Variants in PDE4D observed in about 807,000 individuals in gnomAD.
PDE4D encodes the protein 3',5'-cyclic-AMP phosphodiesterase 4D.
In PDE4D, 24 loss-of-function variants were observed where a neutral mutation model predicts 87.4. The ratio of observed to expected loss-of-function variants is 0.27; its 90% CI spans 0.20 to 0.39. PDE4D has a LOEUF of 0.39. Among genes scored for constraint, PDE4D ranks in the 10% least tolerant of loss-of-function variants. The pLI, the probability that PDE4D is intolerant of heterozygous loss-of-function variation, is 1.00. For missense variants in PDE4D, 714 were observed against 1,041.0 expected (o/e 0.69, Z 4.32); for synonymous variants, 384 against 383.2 (o/e 1.00, Z -0.02).
chr5:59,439,232 A>C (rs1275246160), intron 1 of PDE4D, among the ~76,000 whole-genome samples: 1 of 151,934 alleles, frequency 6.6e-6, no homozygotes, highest in Non-Finnish European at 1.5e-5. Flanking sequence ...GGTGGCACAC[A>C]CCTGTAATCC....
chr5:59,464,839 A>G (rs1475703813), intron 1 of PDE4D, among the ~76,000 whole-genome samples: 1 of 152,248 alleles, frequency 6.6e-6, no homozygotes, highest in African/African-American at 2.4e-5. Flanking sequence ...TATTTGCTAT[A>G]AATACACATA....
At chr5:59,091,978 T>C (rs774427859) in intron 5 of PDE4D, among the ~76,000 whole-genome samples, 7 of 152,076 alleles carry the variant, frequency 4.6e-5, no homozygotes, top group Non-Finnish European at 8.8e-5. Flanking sequence ...AAAGTCCAAA[T>C]GGTAAAATGT....
At chr5:59,749,748 C>A (rs1466757002) in intron 1 of PDE4D, among the ~76,000 whole-genome samples, 1 of 152,088 alleles carries the variant, frequency 6.6e-6, no homozygotes, top group Non-Finnish European at 1.5e-5. Flanking sequence ...ACTTTTAATA[C>A]CACCTACATT....
At chr5:60,091,477 A>G (rs1458226837) in intron 2 of PDE4D, among the ~76,000 whole-genome samples, 1 of 152,192 alleles carries the variant, frequency 6.6e-6, no homozygotes, top group East Asian at 1.9e-4. Flanking sequence ...CAAAAAGACA[A>G]AAAATAAACA....
Position 59,228,920 on chromosome 5 carries a change from G to GA in PDE4D, c.456-12953dup, listed in dbSNP as rs546960595. 9.2e-5 allele frequency among the ~76,000 whole-genome samples: 14 copies of GA among 151,928 alleles called. No individual in the cohort carries two copies. In the East Asian group the frequency reaches 2.7e-3, roughly 29 times the overall value. The stretch of plus-strand genomic sequence containing the variant: ...CTTTGCCTGGCATATTCTTTCTAGA[G>GA]ATATCAGCTCAATGTTACCTTCATG... On this transcript the variant is annotated intron_variant, in intron 1 of 14. Coordinates refer to ENST00000340635, the MANE Select transcript of PDE4D (RefSeq NM_001104631.2).
intron 1 of PDE4D, among the ~76,000 whole-genome samples, chr5:59,286,557 T>C (rs1175835985): frequency 6.6e-6 from 1 of 152,224 alleles, no homozygotes; most frequent in Admixed American, 6.5e-5. Context: ...GACATGGTTT[T>C]TTTGTGCACA....
In PDE4D at chr5:58,974,909, C is replaced by A; in HGVS notation, c.2185G>T (p.Gly729Cys). ...APDDPEEGRQ[G>C]QTEKFQFELT... is the part of the protein sequence containing the mutation. ...TCAAACTGGAATTTCTCAGTTTGAC[C>A]CTGCCGGCCCTCCTCTGGGTCATCA... is the stretch of plus-strand genomic sequence containing the variant. Residue 729 changes from glycine (G) to cysteine (C), a missense_variant, in exon 15 of 15, where the codon GGT becomes TGT. Coordinates refer to ENST00000340635, the MANE Select transcript of PDE4D (RefSeq NM_001104631.2). 1 of 1,612,696 alleles carries A rather than the reference C, an allele frequency of 6.2e-7. No individual in the cohort carries two copies. The highest frequency in any genetic ancestry group is 8.5e-7 in the Non-Finnish European group (1 of 1,179,052).
At chr5:59,459,265 G>C (rs946263665) in intron 1 of PDE4D, among the ~76,000 whole-genome samples, 2 of 152,118 alleles carry the variant, frequency 1.3e-5, no homozygotes, top group Non-Finnish European at 2.9e-5. Flanking sequence ...ATTTTTAAAA[G>C]TATTCATTTG....
intron 1 of PDE4D, among the ~76,000 whole-genome samples, chr5:59,251,472 C>T (rs927426847): frequency 8.5e-5 from 13 of 152,062 alleles, no homozygotes; most frequent in African/African-American, 2.2e-4. Context: ...ATCAAAACCA[C>T]AAGATACCAT....
chr5:60,054,848 C>T (rs1448883728), intron 2 of PDE4D, among the ~76,000 whole-genome samples: 1 of 152,028 alleles, frequency 6.6e-6, no homozygotes, highest in Non-Finnish European at 1.5e-5. Context: ...CAGACCAAAA[C>T]TGTGGGAAGA....
intron 1 of PDE4D, among the ~76,000 whole-genome samples, chr5:59,683,767 T>C (rs920844133): frequency 2.0e-5 from 3 of 152,212 alleles, no homozygotes; most frequent in African/African-American, 7.2e-5. Flanking sequence ...TTTTTAGATA[T>C]AGACAACATA....
At chr5:60,149,032 A>G (rs1431522839) in intron 2 of PDE4D, among the ~76,000 whole-genome samples, 1 of 152,232 alleles carries the variant, frequency 6.6e-6, no homozygotes, top group African/African-American at 2.4e-5. Flanking sequence ...GTTTGATAAT[A>G]TATGAGAGAT....
chr5:60,121,766 A>T (rs1382825736), intron 2 of PDE4D, among the ~76,000 whole-genome samples: 2 of 152,144 alleles, frequency 1.3e-5, no homozygotes, highest in Non-Finnish European at 2.9e-5. Flanking sequence ...TTTCAAAACC[A>T]ATCATGCCTT....
intron 2 of PDE4D, among the ~76,000 whole-genome samples, chr5:59,212,161 G>A (rs921280828): frequency 6.6e-6 from 1 of 152,072 alleles, no homozygotes; most frequent in Non-Finnish European, 1.5e-5. Context: ...TAGCATTATT[G>A]TGAACTAGGT....
chr5:60,101,626 A>G (rs1776224719), intron 2 of PDE4D, among the ~76,000 whole-genome samples: 1 of 152,146 alleles, frequency 6.6e-6, no homozygotes, highest in African/African-American at 2.4e-5. Flanking sequence ...GGAATTCTAC[A>G]TTATATGTAT....
intron 1 of PDE4D, among the ~76,000 whole-genome samples, chr5:59,703,287 A>G: frequency 6.6e-6 from 1 of 152,216 alleles, no homozygotes; most frequent in East Asian, 1.9e-4. Context: ...TTACATTGCA[A>G]ACCTCACTTC....
At chr5:60,173,790 A>G (rs1424036848) in intron 2 of PDE4D, among the ~76,000 whole-genome samples, 1 of 152,130 alleles carries the variant, frequency 6.6e-6, no homozygotes, top group Non-Finnish European at 1.5e-5. Flanking sequence ...AATGAGAACC[A>G]TCTTGGGGAG....
intron 1 of PDE4D, among the ~76,000 whole-genome samples, chr5:59,656,904 T>C (rs1199003844): frequency 6.6e-6 from 1 of 152,180 alleles, no homozygotes; most frequent in African/African-American, 2.4e-5. Context: ...AGATAGCATT[T>C]CCAAGAAGTC....
At chr5:59,548,710 G>A (rs1458606022) in intron 1 of PDE4D, among the ~76,000 whole-genome samples, 1 of 152,094 alleles carries the variant, frequency 6.6e-6, no homozygotes, top group East Asian at 1.9e-4. Context: ...TTAAGAAAGT[G>A]ATATTTGAGC....
Sources: allele counts gnomAD v4.1 joint callset (sites outside exome capture counted in the v4.1 genomes callset), GRCh38; gene constraint gnomAD v4.1.1; transcripts MANE v1.5; gene names NCBI Gene and HGNC (gene_info 2026-07-23, HGNC 2026-07-21).